Variants in EVA1A observed in about 807,000 individuals in gnomAD.
The protein encoded by EVA1A is eva-1 homolog A, regulator of programmed cell death, also known as protein eva-1 homolog A.
In EVA1A, 7 loss-of-function variants were observed where a neutral mutation model predicts 9.8. The observed-to-expected ratio is 0.71, with a 90% CI of 0.41 to 1.34. The LOEUF (loss-of-function observed/expected upper bound fraction) is 1.34. Among genes scored for constraint, EVA1A ranks in the 40% most tolerant of loss-of-function variants. The probability of loss-of-function intolerance (pLI) is 0.01; values close to 1 mark genes in which losing one functional copy is unlikely to be tolerated. For missense variants in EVA1A, 206 were observed against 205.9 expected, an observed-to-expected ratio of 1.00 and a Z score of 0.00; for synonymous variants, 90 against 85.6, an observed-to-expected ratio of 1.05 and a Z score of -0.28.
chr2:75,539,760 T>TA (rs1213560803), intron 1 of EVA1A, among the ~76,000 whole-genome samples: 1 of 151,858 alleles, frequency 6.6e-6, no homozygotes, highest in Non-Finnish European at 1.5e-5. Context: ...AAATGAAAAA[T>TA]AAAAAAATTA....
chr2:75,517,321 CAG>C, intron 3 of EVA1A, among the ~76,000 whole-genome samples: 1 of 152,172 alleles, frequency 6.6e-6, no homozygotes, highest in East Asian at 1.9e-4. Flanking sequence ...ACAATATATC[CAG>C]AGACATCAGG....
At chr2:75,540,210 T>C (rs771123351) in intron 1 of EVA1A, among the ~76,000 whole-genome samples, 19 of 152,264 alleles carry the variant, frequency 1.2e-4, no homozygotes, top group Non-Finnish European at 1.5e-4. Context: ...CACAGGGTGT[T>C]TGTGAGGATG....
intron 3 of EVA1A, among the ~76,000 whole-genome samples, chr2:75,511,224 T>A (rs2103821970): frequency 6.6e-6 from 1 of 152,314 alleles, no homozygotes; most frequent in Non-Finnish European, 1.5e-5. Context: ...AAAAGATAAG[T>A]TATTAATATT....
At chr2:75,552,016 C>T (rs569930599) in intron 1 of EVA1A, among the ~76,000 whole-genome samples, 33 of 152,118 alleles carry the variant, frequency 2.2e-4, no homozygotes, top group African/African-American at 7.7e-4. Context: ...CCCTGCTCTA[C>T]AAAAAGTTTT....
At chr2:75,497,484 T>C (rs146567845) in intron 3 of EVA1A, among the ~76,000 whole-genome samples, 101 of 152,212 alleles carry the variant, frequency 6.6e-4, no homozygotes, top group Middle Eastern at 3.4e-3. Context: ...CACGACGAGA[T>C]ACCATCTCGC....
At chr2:75,520,406 A>C (rs1011408334) in intron 2 of EVA1A, among the ~76,000 whole-genome samples, 4 of 152,256 alleles carry the variant, frequency 2.6e-5, no homozygotes, top group African/African-American at 7.2e-5. Context: ...GAAAATTAAC[A>C]AAGTTAGACA....
chr2:75,551,737 C>T (rs73938966), intron 1 of EVA1A, among the ~76,000 whole-genome samples: 462 of 152,338 alleles, frequency 3.0e-3, no homozygotes, highest in African/African-American at 0.011. Flanking sequence ...TCCTTCCTAA[C>T]AATGGTTGTT....
intron 1 of EVA1A, among the ~76,000 whole-genome samples, chr2:75,559,703 G>GGGGT (rs1676849261): frequency 7.4e-6 from 1 of 135,562 alleles, no homozygotes; most frequent in African/African-American, 2.7e-5. Context: ...GAGGTGGGGG[G>GGGGT]GGGGCGGGGG....
intron 3 of EVA1A, among the ~76,000 whole-genome samples, chr2:75,495,084 C>A (rs945551375): frequency 1.3e-5 from 2 of 152,048 alleles, no homozygotes; most frequent in Non-Finnish European, 2.9e-5. Flanking sequence ...ATCCCTCACC[C>A]CCCTCCCACC....
At chr2:75,533,022 G>C (rs1199782982) in intron 1 of EVA1A, among the ~76,000 whole-genome samples, 1 of 151,662 alleles carries the variant, frequency 6.6e-6, no homozygotes, top group Non-Finnish European at 1.5e-5. Flanking sequence ...ATGCACCTGT[G>C]GGTCCCAGCT....
intron 2 of EVA1A, among the ~76,000 whole-genome samples, chr2:75,520,671 C>A (rs1675201377): frequency 6.6e-6 from 1 of 152,068 alleles, no homozygotes. Flanking sequence ...GGACCCTTAC[C>A]TTACACTATA....
chr2:75,511,170 G>C (rs1026132228), intron 3 of EVA1A, among the ~76,000 whole-genome samples: 1 of 152,020 alleles, frequency 6.6e-6, no homozygotes, highest in Non-Finnish European at 1.5e-5. Flanking sequence ...ACTGCTGCAG[G>C]GGCTTCTCAT....
chr2:75,542,684 C>T (rs10515917), intron 1 of EVA1A: 39,400 of 152,180 alleles, frequency 0.26, 5,493 homozygotes, highest in African/African-American at 0.36. Context: ...CTCTTTCGCA[C>T]TGAGTAAAAG....
chr2:75,530,417 C>A (rs1352154280), intron 1 of EVA1A, among the ~76,000 whole-genome samples: 1 of 152,066 alleles, frequency 6.6e-6, no homozygotes, highest in Non-Finnish European at 1.5e-5. Flanking sequence ...CCAGTATCAG[C>A]CTAATACCAA....
intron 3 of EVA1A, among the ~76,000 whole-genome samples, chr2:75,513,798 A>T (rs967246325): frequency 3.3e-5 from 5 of 152,236 alleles, no homozygotes; most frequent in Admixed American, 2.0e-4. Context: ...AAAGAAAAAG[A>T]CAGGCCTCTA....
At position 75,560,799 on chromosome 2, in the gene EVA1A, G is replaced by A. The variant is rs1676898381; in HGVS notation, c.-311C>T. The A allele has an allele frequency of 6.5e-6, 1 of 152,800 alleles. No homozygotes were observed. The highest frequency in any genetic ancestry group is 2.1e-4 in the South Asian group (1 of 4,842). The allele number at this position is 152,800 out of a possible 1,614,324, so 9.5% of individuals were successfully genotyped here. On this transcript the variant is annotated 5_prime_UTR_variant, in exon 1 of 4. Transcript: ENST00000393913. ...ACGACAAAGCGCTGCCCGGGTCTTG[G>A]GCCGGCACCAGTACCTCGGAAAGGA...
At chr2:75,564,190 G>A (rs929456636), upstream of EVA1A, among the ~76,000 whole-genome samples, 2 of 152,196 alleles carry the variant, frequency 1.3e-5, no homozygotes, top group Admixed American at 6.5e-5. Flanking sequence ...CAGGGTGGAG[G>A]TGGTCAGGGA....
intron 3 of EVA1A, among the ~76,000 whole-genome samples, chr2:75,497,615 T>C (rs1022986135): frequency 2.6e-5 from 4 of 151,946 alleles, no homozygotes; most frequent in Non-Finnish European, 4.4e-5. Flanking sequence ...TTTGGGAGGC[T>C]GAGGCAGGCA....
upstream of EVA1A, among the ~76,000 whole-genome samples, chr2:75,564,149 C>T (rs1183943793): frequency 2.6e-5 from 4 of 152,208 alleles, no homozygotes; most frequent in Admixed American, 2.6e-4. Flanking sequence ...GCTCCCTATC[C>T]TGGTCTCATA....
Sources: gnomAD v4.1 joint callset for allele counts (sites outside exome capture counted in the v4.1 genomes callset) on GRCh38, gnomAD v4.1.1 for gene constraint, MANE v1.5 for transcripts, NCBI Gene and HGNC (gene_info 2026-07-23, HGNC 2026-07-21) for gene names.